The following PMP22 variants were observed in gnomAD, a reference collection of about 807,000 sequenced individuals.
PMP22 encodes the protein peripheral myelin protein 22, also known as Charcot-Marie-Tooth neuropathy 1A (greatly reduced nerve conduction velocity, hereditary motor sensory neuropathy Ia).
In PMP22, 2 loss-of-function variants were observed where a neutral mutation model predicts 18.9. The ratio of observed to expected loss-of-function variants is 0.11; its 90% CI spans 0.04 to 0.33. The LOEUF is 0.33. Among genes scored for constraint, PMP22 ranks in the 10% least tolerant of loss-of-function variants. The pLI is 1.00. For missense variants in PMP22, 169 were observed against 202.2 expected (o/e 0.84, Z 1.00); for synonymous variants, 95 against 89.2 (o/e 1.07, Z -0.37).
chr17:15,259,000 G>A lies in PMP22; in HGVS notation c.178+94C>T, dbSNP rs998023331. 1.1e-6 allele frequency: 1 copy of A among 927,572 alleles called. No homozygotes were observed. Among genetic ancestry groups the A allele is most frequent in the East Asian group, 2.5e-5 (1 of 39,992 alleles). The allele number at this position is 927,572 out of a possible 1,614,324, so 57.5% of individuals were successfully genotyped here. On this transcript the variant is annotated intron_variant, in intron 3 of 4. Transcript: ENST00000312280. The surrounding 1 kb of genome is among the most constrained non-coding windows in gnomAD (Gnocchi z 4.1). ...ACCCCACCCCAGCAACGACATTCTG[G>A]CTTGTGTCTTCCAATAAGCGTTTCC...
chr17:15,258,005 C>T lies in PMP22; in HGVS notation c.178+1089G>A, dbSNP rs996769397. Among the ~76,000 whole-genome samples the T allele has an allele frequency of 6.6e-6, 1 of 152,210 alleles. No homozygotes were observed. The highest frequency in any genetic ancestry group is 1.5e-5 in the Non-Finnish European group (1 of 68,046). On this transcript the variant is annotated intron_variant, in intron 3 of 4. Transcript: ENST00000312280. The surrounding 1 kb of genome is among the most constrained non-coding windows in gnomAD (Gnocchi z 4.1). The stretch of plus-strand genomic sequence containing the variant: ...TAAGAGGGAAAGTCCAGCAAAGCAA[C>T]TGGATTATGCAAAGCCAGGACCAAA...
chr17:15,237,040 A>G (rs975373114), intron 4 of PMP22, among the ~76,000 whole-genome samples: 2 of 152,250 alleles, frequency 1.3e-5, no homozygotes, highest in African/African-American at 4.8e-5. Context: ...CATGAGACGT[A>G]AGCAGCTAGA....
rs1287760778 is a variant in PMP22, at chr17:15,241,211, A to G, written c.179-1600T>C. Among the ~76,000 whole-genome samples the G allele has an allele frequency of 2.0e-5, 3 of 152,306 alleles. No individual in the cohort carries two copies. The East Asian group carries it at 5.8e-4, about 29-fold the overall frequency. ...CTTTGTCAATTAAAGTAAGAAAATG[A>G]CGGCTAATGGGTTGTGAGCCATCCT... On this transcript the variant is annotated intron_variant, in intron 3 of 4. Transcript: ENST00000312280.
At chr17:15,262,823 A>C (rs1254933852) in intron 1 of PMP22, among the ~76,000 whole-genome samples, 1 of 151,786 alleles carries the variant, frequency 6.6e-6, no homozygotes, top group Admixed American at 6.6e-5. Flanking sequence ...CCCCGTGGAG[A>C]CCTAGTGTTG....
chr17:15,250,886 T>C (rs1438119557), intron 3 of PMP22, among the ~76,000 whole-genome samples: 1 of 152,250 alleles, frequency 6.6e-6, no homozygotes, highest in Non-Finnish European at 1.5e-5. Flanking sequence ...GTCTGGACTA[T>C]GACCACAAAC....
rs1909023122 is a variant in PMP22, at chr17:15,258,468, G to A, written c.178+626C>T. ...CTGGCTTCCATATCTCACAAGCAAA[G>A]ATGCTGAGGACAGAGGAGAAATACG... On this transcript the variant is annotated intron_variant, in intron 3 of 4. Coordinates refer to ENST00000312280, the MANE Select transcript of PMP22 (RefSeq NM_000304.4). The surrounding 1 kb of genome is among the most constrained non-coding windows in gnomAD (Gnocchi z 4.1). Among the ~76,000 whole-genome samples the A allele has an allele frequency of 6.6e-6, 1 of 152,108 alleles. No homozygotes were observed. The highest frequency in any genetic ancestry group is 6.5e-5 in the Admixed American group (1 of 15,274).
chr17:15,254,711 A>C (rs939417800), intron 3 of PMP22, among the ~76,000 whole-genome samples: 1 of 152,156 alleles, frequency 6.6e-6, no homozygotes, highest in African/African-American at 2.4e-5. Context: ...TAATCTCAGC[A>C]CTTTGGGAGG....
At chr17:15,240,580 T>C (rs868445857) in intron 3 of PMP22, among the ~76,000 whole-genome samples, 2 of 152,096 alleles carry the variant, frequency 1.3e-5, no homozygotes, top group Non-Finnish European at 1.5e-5. Flanking sequence ...GAGCCTCCTA[T>C]GGTTTCTTCA....
intron 3 of PMP22, among the ~76,000 whole-genome samples, chr17:15,253,612 G>T (rs231026): frequency 0.39 from 58,428 of 151,298 alleles, 12,074 homozygotes; most frequent in Middle Eastern, 0.48. Context: ...CTTCCTAGTG[G>T]GGGTGGGGGG....
intron 1 of PMP22, among the ~76,000 whole-genome samples, chr17:15,264,348 G>A (rs1909572414): frequency 6.6e-6 from 1 of 152,076 alleles, no homozygotes; most frequent in South Asian, 2.1e-4. Context: ...TCCTCCACAG[G>A]TCATTTTATA....
chr17:15,239,740 C>G, intron 3 of PMP22, 129 bp from the exon 4 acceptor site: 1 of 824,050 alleles, frequency 1.2e-6, no homozygotes, highest in Non-Finnish European at 2.0e-6. Flanking sequence ...AGCAGAAGTC[C>G]TTTTTCCTTA....
chr17:15,260,710 C>G lies in PMP22; in HGVS notation c.18G>C (p.Leu6=), dbSNP rs781550490. 1.3e-6 allele frequency: 2 copies of G among 1,553,496 alleles called. No homozygotes were observed. Among genetic ancestry groups the G allele is most frequent in the Admixed American group, 3.9e-5 (2 of 51,196 alleles). Residue 6 remains leucine (L), a synonymous_variant, in exon 2 of 5, where the codon CTG becomes CTC. Transcript: ENST00000312280. ...CCGCGACGTGGAGGACGATGATACT[C>G]AGCAACAGGAGGAGCATTCTGGCGG... MLLLL[L]SIIVLHVAVL...
At chr17:15,235,933 TA>T (rs1340744712) in intron 4 of PMP22, among the ~76,000 whole-genome samples, 2 of 151,946 alleles carry the variant, frequency 1.3e-5, no homozygotes, top group African/African-American at 2.4e-5. Flanking sequence ...TTTTTATTTT[TA>T]TTTTTAGTAG....
chr17:15,264,424 A>G (rs1421640830), intron 1 of PMP22, among the ~76,000 whole-genome samples: 1 of 152,222 alleles, frequency 6.6e-6, no homozygotes, highest in Non-Finnish European at 1.5e-5. Context: ...TATTTAACCA[A>G]CACTTATGTG....
intron 4 of PMP22, chr17:15,235,080 A>G: frequency 1.6e-6 from 1 of 618,786 alleles, no homozygotes; most frequent in Non-Finnish European, 2.9e-6. Context: ...TCAGTCTTTC[A>G]AAGTGTTGGG....
chr17:15,238,400 A>T (rs1906991506), intron 4 of PMP22, among the ~76,000 whole-genome samples: 1 of 152,190 alleles, frequency 6.6e-6, no homozygotes, highest in Non-Finnish European at 1.5e-5. Flanking sequence ...CAGAGTGGTG[A>T]AATGGTACCA....
Position 15,230,885 on chromosome 17 carries a change from G to A in PMP22, c.*32C>T, listed in dbSNP as rs763703270. 22 of 1,610,556 alleles carry A rather than the reference G, an allele frequency of 1.4e-5. No homozygotes were observed. The highest frequency in any genetic ancestry group is 5.3e-5 in the African/African-American group (4 of 74,832). On this transcript the variant is annotated 3_prime_UTR_variant, in exon 5 of 5. Coordinates refer to ENST00000312280, the MANE Select transcript of PMP22 (RefSeq NM_000304.4). The stretch of plus-strand genomic sequence containing the variant: ...TTCCCTTCCTCCCTTCCCTATGTAC[G>A]CTCAGAGCCTCAGACAGACCGTCTG...
intron 2 of PMP22, among the ~76,000 whole-genome samples, chr17:15,260,064 T>C (rs1909182109): frequency 6.6e-6 from 1 of 152,116 alleles, no homozygotes; most frequent in Admixed American, 6.5e-5. Flanking sequence ...CTCATCTTCA[T>C]CGCCAAGAAA....
chr17:15,253,936 T>C (rs1307803248), intron 3 of PMP22, among the ~76,000 whole-genome samples: 1 of 152,236 alleles, frequency 6.6e-6, no homozygotes, highest in East Asian at 1.9e-4. Flanking sequence ...TGTTCACTCT[T>C]GTAACCTTAG....
Sources: allele counts gnomAD v4.1 joint callset (sites outside exome capture counted in the v4.1 genomes callset), GRCh38; gene constraint gnomAD v4.1.1; non-coding constraint Gnocchi (gnomAD v3.1); transcripts MANE v1.5; gene names NCBI Gene and HGNC (gene_info 2026-07-23, HGNC 2026-07-21).